GALNT9: variants seen among roughly 807,000 people sequenced by gnomAD.
GALNT9 encodes polypeptide N-acetylgalactosaminyltransferase 9, also known as GalNAc transferase 9.
Under a neutral mutation model 63.1 loss-of-function variants are expected in GALNT9, and 47 were observed. That is an observed-to-expected ratio of 0.75 (90% CI 0.59 to 0.95). The LOEUF (loss-of-function observed/expected upper bound fraction) is 0.95, where lower values mean the gene tolerates loss of function less well. Ranked by LOEUF, GALNT9 falls within the 40% of genes least tolerant of loss-of-function variation. The probability of loss-of-function intolerance (pLI) is 0.00; values close to 1 mark genes in which losing one functional copy is unlikely to be tolerated. For missense variants in GALNT9, 829 were observed against 874.8 expected (o/e 0.95, Z 0.66); for synonymous variants, 396 against 365.7 (o/e 1.08, Z -0.94).
chr12:132,261,125 G>A lies in GALNT9; in HGVS notation c.587-3C>T. 6.4e-7 allele frequency: 1 copy of A among 1,550,902 alleles called. No individual in the cohort carries two copies. Among genetic ancestry groups the A allele is most frequent in the Non-Finnish European group, 8.7e-7 (1 of 1,146,832 alleles). ...GTCCAGATTGAACTTGAGTTCCACT[G>A]AGGAGAGACAAGACTTTAGCACGCT... On this transcript the variant is annotated splice_region_variant and splice_polypyrimidine_tract_variant and intron_variant, in intron 3 of 10. Transcript: ENST00000328957.
At chr12:132,326,108 A>G (rs1430070125) in intron 1 of GALNT9, among the ~76,000 whole-genome samples, 1 of 152,188 alleles carries the variant, frequency 6.6e-6, no homozygotes, top group Non-Finnish European at 1.5e-5. Flanking sequence ...TCCCCTTCCC[A>G]TCTCAAGGGG....
At chr12:132,239,789 G>A (rs782620649) in intron 6 of GALNT9, among the ~76,000 whole-genome samples, 1 of 152,148 alleles carries the variant, frequency 6.6e-6, no homozygotes, top group Non-Finnish European at 1.5e-5. Flanking sequence ...GGGAGGCAGA[G>A]ACAGATGCAG....
chr12:132,217,681 C>G (rs1169143811), intron 6 of GALNT9, among the ~76,000 whole-genome samples: 3 of 150,324 alleles, frequency 2.0e-5, no homozygotes, highest in African/African-American at 7.4e-5. Context: ...ATCCATCTAC[C>G]TACTCATTCA....
In GALNT9 at chr12:132,286,454, G is replaced by A; in HGVS notation, c.239-24C>T. The A allele has an allele frequency of 6.5e-7, 1 of 1,541,892 alleles. No individual in the cohort carries two copies. The highest frequency in any genetic ancestry group is 8.7e-7 in the Non-Finnish European group (1 of 1,143,510). ...GCCTGGGGGAAAGGAAGAGAGGGAG[G>A]TCAGGCAGGCCCAGGACACGCTGCG... is the stretch of plus-strand genomic sequence containing the variant. On this transcript the variant is annotated intron_variant, in intron 1 of 10. Transcript: ENST00000328957. This position sits in a 1 kb window ranked among gnomAD's most constrained non-coding sequence, Gnocchi z 7.4.
At chr12:132,243,916 G>A (rs2136906072) in intron 6 of GALNT9, among the ~76,000 whole-genome samples, 1 of 152,048 alleles carries the variant, frequency 6.6e-6, no homozygotes, top group Admixed American at 6.6e-5. Context: ...GAAGAGTCCC[G>A]TGTCCGCCAC....
intron 6 of GALNT9, chr12:132,240,792 T>A (rs1565995937): frequency 1.1e-5 from 5 of 447,874 alleles, no homozygotes; most frequent in South Asian, 4.7e-5. Context: ...CTATACATGT[T>A]TACACACATG....
intron 6 of GALNT9, among the ~76,000 whole-genome samples, chr12:132,205,055 G>T (rs1876567425): frequency 6.6e-6 from 1 of 152,184 alleles, no homozygotes; most frequent in East Asian, 1.9e-4. Flanking sequence ...ACGGGGTGGA[G>T]CCTCTGCCCA....
intron 6 of GALNT9, among the ~76,000 whole-genome samples, chr12:132,204,441 T>G (rs1442560641): frequency 6.6e-6 from 1 of 151,898 alleles, no homozygotes; most frequent in Non-Finnish European, 1.5e-5. Context: ...GTGGGAGCCG[T>G]GTTTAAATCT....
intron 4 of GALNT9, among the ~76,000 whole-genome samples, chr12:132,258,435 G>A (rs374196443): frequency 1.3e-5 from 2 of 152,134 alleles, no homozygotes. Context: ...ACCAGGCACC[G>A]TTGTGCAGAG....
At chr12:132,293,064 G>A (rs1461924613) in intron 1 of GALNT9, among the ~76,000 whole-genome samples, 3 of 152,196 alleles carry the variant, frequency 2.0e-5, no homozygotes, top group East Asian at 3.9e-4. Context: ...GGCCAGGGCT[G>A]CCATAATCAG....
chr12:132,329,377 G>A lies in GALNT9; in HGVS notation c.-174C>T. The A allele has an allele frequency of 1.0e-6, 1 of 997,478 alleles. No homozygotes were observed. Among genetic ancestry groups the A allele is most frequent in the Non-Finnish European group, 1.3e-6 (1 of 748,158 alleles). The allele number at this position is 997,478 out of a possible 1,614,324, so 61.8% of individuals were successfully genotyped here. On this transcript the variant is annotated 5_prime_UTR_variant, in exon 1 of 11. Transcript: ENST00000328957. Reference sequence around the variant, plus strand: ...TCAGCGCGCCGGGCCACGGCCGCCGGGGGTCCCCCAGAGCGCAGAGGGCTG... The same window carrying A: ...TCAGCGCGCCGGGCCACGGCCGCCGAGGGTCCCCCAGAGCGCAGAGGGCTG...
rs117483438 is a variant in GALNT9 at position 132,212,038 on chromosome 12, G to A, written c.1078-8348C>T. Among the ~76,000 whole-genome samples, 624 of 152,240 alleles carry A rather than the reference G, an allele frequency of 4.1e-3. 15 individuals carry two copies. In the East Asian group the frequency reaches 0.06, roughly 15 times the overall value. ...ACTCCGCATGGCAGCGGACGTGCACGCAGGCAGGCCCCACCCAGCCAGGCA... is the reference window on the plus strand; with the variant it reads ...ACTCCGCATGGCAGCGGACGTGCACACAGGCAGGCCCCACCCAGCCAGGCA... On this transcript the variant is annotated intron_variant, in intron 6 of 10. Transcript: ENST00000328957.
intron 6 of GALNT9, among the ~76,000 whole-genome samples, chr12:132,210,358 A>G (rs1418230906): frequency 6.6e-6 from 1 of 152,250 alleles, no homozygotes; most frequent in Admixed American, 6.5e-5. Context: ...CTTCTGGTCA[A>G]GGCAAGCAAA....
intron 1 of GALNT9, among the ~76,000 whole-genome samples, chr12:132,326,348 T>G (rs1160543259): frequency 1.3e-5 from 2 of 152,246 alleles, no homozygotes; most frequent in African/African-American, 2.4e-5. Flanking sequence ...AGCGCTGAAC[T>G]TAGAAGCAAA....
chr12:132,196,954 A>T lies in GALNT9; in HGVS notation c.*153T>A. The T allele has an allele frequency of 6.8e-7, 1 of 1,474,086 alleles. No individual in the cohort carries two copies. The highest frequency in any genetic ancestry group is 8.9e-7 in the Non-Finnish European group (1 of 1,117,392). The allele number at this position is 1,474,086 out of a possible 1,614,324, so 91.3% of individuals were successfully genotyped here. A position where few individuals can be genotyped will look rare whatever the true frequency, so the allele number is the denominator to read the frequency against. On this transcript the variant is annotated 3_prime_UTR_variant, in exon 11 of 11. Transcript: ENST00000328957. ...AGATGCAGTGGGTGACACCCTGGTC[A>T]CTCAGCCACACCCCGGCCCCTCAGC...
In GALNT9 at chr12:132,240,580, G is replaced by A. The variant is rs184639206; in HGVS notation, c.1077+7330C>T. The A allele has an allele frequency of 5.2e-3, 2,350 of 453,788 alleles. 59 individuals are homozygous for A. The highest frequency in any genetic ancestry group is 0.045 in the Admixed American group (1,911 of 42,254). The allele number at this position is 453,788 out of a possible 1,614,324, so 28.1% of individuals were successfully genotyped here. ...AGCTGTGGGCTCCGTGCGTGGCCCC[G>A]GGGCTCGGCTGTGGGCTCCGTGCGT... is the stretch of plus-strand genomic sequence containing the variant. On this transcript the variant is annotated intron_variant, in intron 6 of 10. Transcript: ENST00000328957.
rs1455885689 is a variant in GALNT9, at chr12:132,316,673, C to A, written c.238+12293G>T. 6.6e-6 allele frequency among the ~76,000 whole-genome samples: 1 copy of A among 152,018 alleles called. No homozygotes were observed. The highest frequency in any genetic ancestry group is 1.9e-4 in the East Asian group (1 of 5,180). On this transcript the variant is annotated intron_variant, in intron 1 of 10. Transcript: ENST00000328957. This position sits in a 1 kb window ranked among gnomAD's most constrained non-coding sequence, Gnocchi z 4.3. ...AAATTCCCCCGTGCTCTGTGTAGTCCCTCAGCCACCCTTTCAGATCCGACA... is the reference window on the plus strand; with the variant it reads ...AAATTCCCCCGTGCTCTGTGTAGTCACTCAGCCACCCTTTCAGATCCGACA...
intron 1 of GALNT9, among the ~76,000 whole-genome samples, chr12:132,300,719 C>T (rs1352113929): frequency 2.0e-5 from 3 of 151,924 alleles, no homozygotes; most frequent in Non-Finnish European, 4.4e-5. Flanking sequence ...GCCACCACAC[C>T]TAACCCATCC....
intron 2 of GALNT9, chr12:132,275,308 G>A (rs28705280): frequency 0.08 from 12,188 of 152,354 alleles, 1,587 homozygotes; most frequent in African/African-American, 0.28. Context: ...ACCAGGCTGA[G>A]CCAATCAGCA....
Sources: allele counts gnomAD v4.1 joint callset (sites outside exome capture counted in the v4.1 genomes callset), GRCh38; gene constraint gnomAD v4.1.1; non-coding constraint Gnocchi (gnomAD v3.1); transcripts MANE v1.5; gene names NCBI Gene and HGNC (gene_info 2026-07-23, HGNC 2026-07-21).